NRG3: variants seen among roughly 807,000 people sequenced by gnomAD.
NRG3 encodes the protein neuregulin 3.
A neutral mutation model predicts 66.9 loss-of-function variants in NRG3; 31 were observed. The observed-to-expected ratio is 0.46, with a 90% CI of 0.35 to 0.63. The LOEUF (loss-of-function observed/expected upper bound fraction) is 0.63, where lower values mean the gene tolerates loss of function less well. NRG3 is among the 20% of genes least tolerant of loss of function. NRG3 has a pLI of 0.00. For missense variants in NRG3, 910 were observed against 878.9 expected (o/e 1.04, Z -0.45); for synonymous variants, 393 against 359.4 (o/e 1.09, Z -1.06).
intron 1 of NRG3, among the ~76,000 whole-genome samples, chr10:82,191,042 C>A (rs1169169313): frequency 6.6e-6 from 1 of 152,050 alleles, no homozygotes; most frequent in East Asian, 1.9e-4. Context: ...TCACATGTCA[C>A]CCCCAGTCAC....
intron 4 of NRG3, among the ~76,000 whole-genome samples, chr10:82,890,127 GTT>G (rs35591529): frequency 0.32 from 44,483 of 138,008 alleles, 6,969 homozygotes; most frequent in East Asian, 0.51. Flanking sequence ...GATCTGCTAA[GTT>G]TTTTTTTTTT....
intron 1 of NRG3, among the ~76,000 whole-genome samples, chr10:82,210,922 TAAA>T (rs34245469): frequency 7.6e-6 from 1 of 132,090 alleles, no homozygotes. Flanking sequence ...TGGAACTTGG[TAAA>T]AAAAAAAAAA....
At chr10:82,529,831 A>C (rs978942723) in intron 2 of NRG3, among the ~76,000 whole-genome samples, 1 of 152,206 alleles carries the variant, frequency 6.6e-6, no homozygotes, top group African/African-American at 2.4e-5. Flanking sequence ...ACTATCAAAT[A>C]ATAGTTCTTT....
intron 1 of NRG3, among the ~76,000 whole-genome samples, chr10:82,119,989 A>C (rs745524277): frequency 3.1e-4 from 47 of 152,142 alleles, no homozygotes; most frequent in Non-Finnish European, 4.7e-4. Context: ...ATACAAAGAT[A>C]ATGTTTTAAG....
intron 4 of NRG3, among the ~76,000 whole-genome samples, chr10:82,876,705 A>G (rs1019090960): frequency 6.6e-6 from 1 of 152,190 alleles, no homozygotes; most frequent in Non-Finnish European, 1.5e-5. Context: ...AGCAACAGTG[A>G]TGTTCAGATT....
At chr10:82,336,981 G>A (rs532840674) in intron 1 of NRG3, among the ~76,000 whole-genome samples, 63 of 152,238 alleles carry the variant, frequency 4.1e-4, no homozygotes, top group African/African-American at 1.4e-3. Flanking sequence ...TTTTTGGGAG[G>A]TATGTGAGGG....
chr10:81,901,928 C>A (rs936928884), intron 1 of NRG3, among the ~76,000 whole-genome samples: 7 of 152,082 alleles, frequency 4.6e-5, no homozygotes, highest in Admixed American at 1.3e-4. Context: ...GTTTACTTAA[C>A]AACAGTTCCA....
chr10:82,047,601 C>T (rs1280436950), intron 1 of NRG3, among the ~76,000 whole-genome samples: 19 of 151,344 alleles, frequency 1.3e-4, no homozygotes, highest in South Asian at 4.2e-4. Context: ...CTGAAGGAAG[C>T]ACTAATCATG....
intron 2 of NRG3, among the ~76,000 whole-genome samples, chr10:82,725,872 C>T (rs2057567784): frequency 3.3e-5 from 5 of 152,140 alleles, no homozygotes; most frequent in Admixed American, 3.3e-4. Flanking sequence ...TACTTGGTAA[C>T]TCCTGTGAAC....
intron 1 of NRG3, among the ~76,000 whole-genome samples, chr10:82,098,646 T>G (rs957828681): frequency 5.9e-5 from 9 of 152,200 alleles, no homozygotes; most frequent in Non-Finnish European, 1.3e-4. Context: ...CAATGAGAAT[T>G]TTCTCCCAGT....
intron 1 of NRG3, among the ~76,000 whole-genome samples, chr10:82,163,131 C>T (rs2071735667): frequency 6.6e-6 from 1 of 152,062 alleles, no homozygotes; most frequent in African/African-American, 2.4e-5. Context: ...TTCAGAAGGT[C>T]TAATTAACCT....
intron 1 of NRG3, among the ~76,000 whole-genome samples, chr10:82,338,907 A>C (rs958212860): frequency 2.6e-5 from 4 of 152,176 alleles, no homozygotes; most frequent in African/African-American, 4.8e-5. Context: ...TCGGCACACT[A>C]AATTTCATCT....
intron 2 of NRG3, among the ~76,000 whole-genome samples, chr10:82,620,478 C>G (rs2048972542): frequency 6.6e-6 from 1 of 152,056 alleles, no homozygotes. Flanking sequence ...GGCTCTTCCC[C>G]AAAGTTAAGC....
At chr10:81,999,249 T>C (rs377682991) in intron 1 of NRG3, among the ~76,000 whole-genome samples, 1 of 152,222 alleles carries the variant, frequency 6.6e-6, no homozygotes, top group East Asian at 1.9e-4. Flanking sequence ...TTACGAGACC[T>C]CAAGGCTCAA....
intron 1 of NRG3, among the ~76,000 whole-genome samples, chr10:82,223,660 C>G (rs1040532532): frequency 6.6e-6 from 1 of 150,568 alleles, no homozygotes; most frequent in African/African-American, 2.5e-5. Context: ...CACACACACA[C>G]ACACACACAC....
intron 1 of NRG3, among the ~76,000 whole-genome samples, chr10:81,968,597 G>C (rs2059816448): frequency 6.6e-6 from 1 of 152,202 alleles, no homozygotes; most frequent in Admixed American, 6.5e-5. Flanking sequence ...TCTTTACGTA[G>C]TGGTATTTCC....
At chr10:82,590,937 C>G (rs1347511440) in intron 2 of NRG3, among the ~76,000 whole-genome samples, 1 of 152,130 alleles carries the variant, frequency 6.6e-6, no homozygotes, top group Non-Finnish European at 1.5e-5. Flanking sequence ...GGCTACAGAC[C>G]AAGATGAATG....
At chr10:82,086,291 A>G (rs1256298977) in intron 1 of NRG3, among the ~76,000 whole-genome samples, 1 of 152,148 alleles carries the variant, frequency 6.6e-6, no homozygotes, top group African/African-American at 2.4e-5. Context: ...TAAGTTATCC[A>G]TATTTTACAG....
chr10:82,109,024 G>T (rs967262554), intron 1 of NRG3, among the ~76,000 whole-genome samples: 1 of 152,172 alleles, frequency 6.6e-6, no homozygotes, highest in African/African-American at 2.4e-5. Flanking sequence ...CAGGGGCTGG[G>T]TTTTATTCAC....
Sources: gnomAD v4.1 joint callset for allele counts (sites outside exome capture counted in the v4.1 genomes callset) on GRCh38, gnomAD v4.1.1 for gene constraint, MANE v1.5 for transcripts, NCBI Gene and HGNC (gene_info 2026-07-23, HGNC 2026-07-21) for gene names.